ABCA13: variants seen among roughly 807,000 people sequenced by gnomAD.
ABCA13 encodes the protein ATP-binding cassette sub-family A member 13.
Under a neutral mutation model 478.7 loss-of-function variants are expected in ABCA13, and 476 were observed. The observed-to-expected ratio is 0.99, with a 90% CI of 0.92 to 1.07. The LOEUF is 1.07. ABCA13 is among the 50% of genes least tolerant of loss of function. ABCA13 has a pLI of 0.00. For missense variants in ABCA13, 6,060 were observed against 5,910.6 expected (o/e 1.03, Z -0.83); for synonymous variants, 2,252 against 2,158.9 (o/e 1.04, Z -1.20).
At chr7:48,194,099 GC>G (rs2128900318) in intron 2 of ABCA13, among the ~76,000 whole-genome samples, 1 of 4 alleles carries the variant, frequency 0.25, no homozygotes, top group East Asian at 0.5. Context: ...TGATGATGCA[GC>G]TGATGATAAT....
chr7:48,401,909 T>C (rs1229410522), intron 38 of ABCA13, among the ~76,000 whole-genome samples: 1 of 152,202 alleles, frequency 6.6e-6, no homozygotes, highest in Non-Finnish European at 1.5e-5. Context: ...TGCTAACCAG[T>C]TGCATAAGAT....
chr7:48,576,419 A>G (rs1788192603), intron 55 of ABCA13, among the ~76,000 whole-genome samples: 1 of 152,184 alleles, frequency 6.6e-6, no homozygotes, highest in Non-Finnish European at 1.5e-5. Flanking sequence ...CTCCATGTGA[A>G]GACAGGGGAA....
At chr7:48,553,650 A>G (rs1019800974) in intron 55 of ABCA13, among the ~76,000 whole-genome samples, 3 of 151,978 alleles carry the variant, frequency 2.0e-5, no homozygotes, top group Admixed American at 6.6e-5. Context: ...CCATTTTTAA[A>G]TCAAATTATT....
intron 21 of ABCA13, among the ~76,000 whole-genome samples, chr7:48,296,709 C>G (rs1799429070): frequency 6.6e-6 from 1 of 152,002 alleles, no homozygotes; most frequent in Non-Finnish European, 1.5e-5. Context: ...TGATCCGCCC[C>G]CTTCGGCCTC....
intron 26 of ABCA13, 140 bp from the exon 27 acceptor site, chr7:48,317,017 C>T: frequency 1.0e-6 from 1 of 1,004,556 alleles, no homozygotes; most frequent in East Asian, 2.7e-5. Context: ...AACTATAGCA[C>T]TCCCAAAGTT....
chr7:48,310,015 G>C lies in ABCA13; in HGVS notation c.9390G>C (p.Leu3130=), dbSNP rs752777652. The change falls in exon 24 of 62, where the codon CTG becomes CTC. Residue 3130 remains leucine (L), a synonymous_variant. Transcript: ENST00000435803. The part of the protein sequence containing the change: ...KCDQEILHLL[L]TFPKGEKSWI... The stretch of plus-strand genomic sequence containing the variant: ...ATCAGGAAATCCTTCATCTCCTGCT[G>C]ACATTTCCCAAAGGGGAAAAATCTT... The C allele has an allele frequency of 6.2e-7, 1 of 1,613,986 alleles. No individual in the cohort carries two copies.
At position 48,524,444 on chromosome 7, in the gene ABCA13, A is replaced by G; in HGVS notation, c.14244+4A>G. The G allele has an allele frequency of 6.3e-7, 1 of 1,598,698 alleles. No individual in the cohort carries two copies. Among genetic ancestry groups the G allele is most frequent in the South Asian group, 1.1e-5 (1 of 87,366 alleles). On this transcript the variant is annotated splice_donor_region_variant and intron_variant, in intron 54 of 61. Transcript: ENST00000435803. ...TTTGGGCATACCAAAAGGAGAGGTA[A>G]TGAAGCTTCTATTTTTAATCTTCTT...
intron 48 of ABCA13, among the ~76,000 whole-genome samples, chr7:48,498,422 G>A (rs151180172): frequency 2.2e-4 from 33 of 152,188 alleles, no homozygotes; most frequent in Admixed American, 2.0e-3. Context: ...ATTTACTGTT[G>A]TATTGTTGAA....
intron 42 of ABCA13, among the ~76,000 whole-genome samples, chr7:48,442,742 C>T (rs1823796385): frequency 6.6e-6 from 1 of 152,156 alleles, no homozygotes; most frequent in Admixed American, 6.5e-5. Context: ...AGGATGGGGC[C>T]TGAGAACTTG....
chr7:48,559,972 C>T (rs541319350), intron 55 of ABCA13, among the ~76,000 whole-genome samples: 1 of 152,280 alleles, frequency 6.6e-6, no homozygotes, highest in African/African-American at 2.4e-5. Context: ...AGCTATGCTG[C>T]CTTGGGTTGA....
At position 48,358,820 on chromosome 7, in the gene ABCA13, A is replaced by T. The variant is rs146754296; in HGVS notation, c.10688+6333A>T. 1.6e-4 allele frequency among the ~76,000 whole-genome samples: 24 copies of T among 152,096 alleles called. No individual in the cohort carries two copies. The East Asian group carries it at 1.7e-3, about 11-fold the overall frequency. ...TCCTCTACCTAGTAAAATATAGGAG[A>T]ATTTCTTGGTAGAATCTGTATGACC... is the stretch of plus-strand genomic sequence containing the variant. On this transcript the variant is annotated intron_variant, in intron 31 of 61. Coordinates refer to ENST00000435803, the MANE Select transcript of ABCA13 (RefSeq NM_152701.5).
chr7:48,470,605 TTTG>T (rs904833762), intron 44 of ABCA13, among the ~76,000 whole-genome samples: 28 of 152,354 alleles, frequency 1.8e-4, no homozygotes, highest in African/African-American at 6.3e-4. Context: ...TTACGTTATT[TTTG>T]TTGTTTCAAA....
chr7:48,184,867 A>C (rs1026789502), intron 1 of ABCA13, among the ~76,000 whole-genome samples: 1 of 152,178 alleles, frequency 6.6e-6, no homozygotes, highest in Non-Finnish European at 1.5e-5. Flanking sequence ...ACAGGATCTC[A>C]CTTTTTCATC....
At chr7:48,320,458 T>C (rs1023129228) in intron 27 of ABCA13, among the ~76,000 whole-genome samples, 1 of 152,240 alleles carries the variant, frequency 6.6e-6, no homozygotes, top group African/African-American at 2.4e-5. Context: ...ATTTAACTCA[T>C]ACTCTAAGGG....
At chr7:48,529,430 T>G (rs1364944995) in intron 55 of ABCA13, among the ~76,000 whole-genome samples, 1 of 152,144 alleles carries the variant, frequency 6.6e-6, no homozygotes, top group East Asian at 1.9e-4. Context: ...TTTTTCCCAC[T>G]ACAGCAAACT....
intron 7 of ABCA13, among the ~76,000 whole-genome samples, chr7:48,230,255 C>A (rs1348173559): frequency 2.0e-5 from 3 of 152,054 alleles, no homozygotes; most frequent in East Asian, 3.9e-4. Flanking sequence ...AATATTAGAC[C>A]TATCACTAGC....
At chr7:48,350,421 A>G (rs1397141756) in intron 29 of ABCA13, among the ~76,000 whole-genome samples, 1 of 151,822 alleles carries the variant, frequency 6.6e-6, no homozygotes, top group Non-Finnish European at 1.5e-5. Flanking sequence ...TTTCATGTAC[A>G]TGTATCAGTG....
chr7:48,374,523 C>A, intron 34 of ABCA13, 107 bp downstream of exon 34: 2 of 1,016,716 alleles, frequency 2.0e-6, no homozygotes, highest in African/African-American at 1.6e-5. Flanking sequence ...TCAAGTAGAG[C>A]ATTCAGAATG....
At chr7:48,624,624 C>T (rs573858530) in intron 59 of ABCA13, among the ~76,000 whole-genome samples, 141 of 151,658 alleles carry the variant, frequency 9.3e-4, no homozygotes, top group Non-Finnish European at 1.6e-3. Flanking sequence ...GACACGATCT[C>T]GGCTCACTGC....
Sources: allele counts gnomAD v4.1 joint callset (sites outside exome capture counted in the v4.1 genomes callset), GRCh38; gene constraint gnomAD v4.1.1; transcripts MANE v1.5; gene names NCBI Gene and HGNC (gene_info 2026-07-23, HGNC 2026-07-21).